Variants in CACNA2D3 observed in about 807,000 individuals in gnomAD.
CACNA2D3 encodes voltage-dependent calcium channel subunit alpha-2/delta-3.
CACNA2D3 carries 60 observed loss-of-function variants against 160.6 expected under a neutral mutation model. The observed-to-expected ratio is 0.37, with a 90% CI of 0.30 to 0.46. The LOEUF is 0.46. CACNA2D3 is among the 20% of genes least tolerant of loss of function. The pLI is 1.00. For missense variants in CACNA2D3, 1,205 were observed against 1,365.0 expected, an observed-to-expected ratio of 0.88 and a Z score of 1.85; for synonymous variants, 558 against 492.9, an observed-to-expected ratio of 1.13 and a Z score of -1.75.
chr3:54,796,694 G>C (rs1019930512), intron 13 of CACNA2D3, among the ~76,000 whole-genome samples: 1 of 152,180 alleles, frequency 6.6e-6, no homozygotes, highest in African/African-American at 2.4e-5. Context: ...AGGACTGTCT[G>C]TCTCCCACAG....
intron 20 of CACNA2D3, 99 bp downstream of exon 20, chr3:54,879,510 C>T: frequency 1.1e-6 from 1 of 874,174 alleles, no homozygotes; most frequent in Admixed American, 2.6e-5. Flanking sequence ...TGAAGATAAC[C>T]AAACACCCTG....
Position 54,879,076 on chromosome 3 carries a change from CAG to C in CACNA2D3, c.1770_1771del (p.Val591GlyfsTer12). ...AAGTTTTCCATGGAGGTGAAGAAGA[CAG>C]TGGACAAAGGGGTACATTTTTCTCA... is the stretch of plus-strand genomic sequence containing the variant. On this transcript the variant is annotated frameshift_variant, in exon 19 of 38. Transcript: ENST00000474759. LOFTEE classifies it high-confidence loss of function. 6.2e-7 allele frequency: 1 copy of C among 1,601,386 alleles called. No homozygotes were observed. Among genetic ancestry groups the C allele is most frequent in the Non-Finnish European group, 8.5e-7 (1 of 1,173,506 alleles).
At chr3:54,474,827 C>G (rs1395788180) in intron 4 of CACNA2D3, among the ~76,000 whole-genome samples, 2 of 152,256 alleles carry the variant, frequency 1.3e-5, no homozygotes, top group Admixed American at 6.5e-5. Context: ...GATATACACT[C>G]TGCTGCATAC....
intron 4 of CACNA2D3, among the ~76,000 whole-genome samples, chr3:54,462,836 T>C (rs1700533106): frequency 6.6e-6 from 1 of 151,660 alleles, no homozygotes; most frequent in Non-Finnish European, 1.5e-5. Context: ...AGCTGGTGAT[T>C]TTGCTCATTA....
At chr3:54,190,126 T>C (rs959977881) in intron 2 of CACNA2D3, among the ~76,000 whole-genome samples, 1 of 152,196 alleles carries the variant, frequency 6.6e-6, no homozygotes, top group Non-Finnish European at 1.5e-5. Context: ...TCAGGGCCTC[T>C]TTTATAAGGG....
At chr3:54,436,363 A>T (rs1222799728) in intron 4 of CACNA2D3, among the ~76,000 whole-genome samples, 1 of 152,270 alleles carries the variant, frequency 6.6e-6, no homozygotes, top group Non-Finnish European at 1.5e-5. Flanking sequence ...TGTGGAAGAC[A>T]GTGTGGTTAT....
intron 5 of CACNA2D3, among the ~76,000 whole-genome samples, chr3:54,511,715 A>C (rs1296710329): frequency 6.6e-6 from 1 of 152,182 alleles, no homozygotes; most frequent in East Asian, 1.9e-4. Context: ...GGACAATGGG[A>C]GAGCAGGAAT....
At chr3:54,880,643 T>C (rs973578656) in intron 20 of CACNA2D3, among the ~76,000 whole-genome samples, 153 bp from the exon 21 acceptor site, 4 of 152,198 alleles carry the variant, frequency 2.6e-5, no homozygotes, top group African/African-American at 9.7e-5. Flanking sequence ...ACACCAGTGA[T>C]AATCAGTGGG....
chr3:55,067,104 G>GGC (rs1704666421), intron 35 of CACNA2D3, among the ~76,000 whole-genome samples: 1 of 151,254 alleles, frequency 6.6e-6, no homozygotes, highest in East Asian at 2.0e-4. Flanking sequence ...TTTGTAGCGG[G>GGC]GGGGGCTTTT....
At chr3:54,403,911 TA>T (rs1388470744) in intron 4 of CACNA2D3, among the ~76,000 whole-genome samples, 1 of 152,144 alleles carries the variant, frequency 6.6e-6, no homozygotes, top group African/African-American at 2.4e-5. Flanking sequence ...AAATTCTTTC[TA>T]AAACCAAGGT....
chr3:54,130,537 C>T (rs969034870), intron 2 of CACNA2D3, among the ~76,000 whole-genome samples: 1 of 152,052 alleles, frequency 6.6e-6, no homozygotes, highest in Non-Finnish European at 1.5e-5. Context: ...CTGTGATAAG[C>T]CCTTTACTTA....
chr3:54,802,248 G>T (rs1168693), intron 13 of CACNA2D3, among the ~76,000 whole-genome samples: 114,375 of 151,872 alleles, frequency 0.75, 43,920 homozygotes, highest in African/African-American at 0.91. Context: ...AGAGAAGGAA[G>T]GTGGAGTGAA....
intron 11 of CACNA2D3, among the ~76,000 whole-genome samples, chr3:54,740,913 C>G (rs1030108035): frequency 5.9e-5 from 9 of 152,218 alleles, no homozygotes; most frequent in Admixed American, 5.9e-4. Flanking sequence ...ACTCCTCGAC[C>G]TGTAACCTGC....
intron 3 of CACNA2D3, among the ~76,000 whole-genome samples, chr3:54,358,541 G>C (rs917843021): frequency 1.3e-5 from 2 of 152,176 alleles, no homozygotes; most frequent in African/African-American, 4.8e-5. Context: ...TAAAATCAGA[G>C]GCCTGCAGAG....
rs114099966 is a variant in CACNA2D3 at position 54,349,809 on chromosome 3, C to G, written c.321+29251C>G. On this transcript the variant is annotated intron_variant, in intron 3 of 37. Transcript: ENST00000474759. Reference sequence around the variant, plus strand: ...TTAAGTTCTTACCTCAGTGTTTAACCTCAGTCCTCCTTCCTGTACCTGAGC... The same window carrying G: ...TTAAGTTCTTACCTCAGTGTTTAACGTCAGTCCTCCTTCCTGTACCTGAGC... Among the ~76,000 whole-genome samples the G allele has an allele frequency of 2.3e-3, 356 of 152,292 alleles. 2 individuals carry two copies. The highest frequency in any genetic ancestry group is 7.5e-3 in the African/African-American group (313 of 41,556).
chr3:54,644,921 G>C (rs141576918), intron 11 of CACNA2D3, among the ~76,000 whole-genome samples: 1 of 152,288 alleles, frequency 6.6e-6, no homozygotes, highest in Non-Finnish European at 1.5e-5. Flanking sequence ...CTTTTACAAG[G>C]ACTCATTTCC....
At chr3:54,582,025 A>G (rs995805893) in intron 9 of CACNA2D3, 148 bp downstream of exon 9, 1 of 610,460 alleles carries the variant, frequency 1.6e-6, no homozygotes, top group Non-Finnish European at 2.8e-6. Context: ...TATTAAGAGC[A>G]CAAAGAAAAT....
At chr3:54,450,101 C>A (rs998060449) in intron 4 of CACNA2D3, among the ~76,000 whole-genome samples, 5 of 152,216 alleles carry the variant, frequency 3.3e-5, no homozygotes, top group Non-Finnish European at 5.9e-5. Flanking sequence ...CAGTTTGCCA[C>A]TGATTGGCTC....
chr3:54,965,458 C>T (rs929301725), intron 27 of CACNA2D3, among the ~76,000 whole-genome samples: 1 of 152,152 alleles, frequency 6.6e-6, no homozygotes, highest in Non-Finnish European at 1.5e-5. Context: ...CATGCCTCAC[C>T]TTACACAAAG....
Sources: allele counts gnomAD v4.1 joint callset (sites outside exome capture counted in the v4.1 genomes callset), GRCh38; gene constraint gnomAD v4.1.1; transcripts MANE v1.5; gene names NCBI Gene and HGNC (gene_info 2026-07-23, HGNC 2026-07-21).